The following BAHCC1 variants were observed in gnomAD, a reference collection of about 807,000 sequenced individuals.
BAHCC1 encodes the protein BAH and coiled-coil domain-containing protein 1.
In BAHCC1, 43 loss-of-function variants were observed where a neutral mutation model predicts 88.2. That is an observed-to-expected ratio of 0.49 (90% CI 0.38 to 0.63). The LOEUF (loss-of-function observed/expected upper bound fraction) is 0.63, where lower values mean the gene tolerates loss of function less well. Ranked by LOEUF, BAHCC1 falls within the 20% of genes least tolerant of loss-of-function variation. BAHCC1 has a pLI of 0.00. For missense variants in BAHCC1, 3,023 were observed against 1,654.8 expected (o/e 1.83, Z -14.34); for synonymous variants, 1,510 against 745.5 (o/e 2.03, Z -16.71).
intron 2 of BAHCC1, among the ~76,000 whole-genome samples, chr17:81,405,457 C>T (rs782441274): frequency 6.6e-6 from 1 of 152,124 alleles, no homozygotes; most frequent in Non-Finnish European, 1.5e-5. Flanking sequence ...GGGTAACTCC[C>T]TTTACTCCCT....
rs1175278896 is a variant in BAHCC1, at chr17:81,399,190, A to G, written c.-206-344A>G. 9.5e-6 allele frequency: 4 copies of G among 419,862 alleles called. No individual in the cohort carries two copies. The highest frequency in any genetic ancestry group is 1.9e-5 in the Non-Finnish European group (4 of 209,404). 26.0% of individuals were successfully genotyped at this position (419,862 alleles called of 1,614,324 possible). A position where few individuals can be genotyped will look rare whatever the true frequency, so the allele number is the denominator to read the frequency against. ...GATGGCTTCGCAGATTTGGGTTTTT[A>G]TCACCCAGCAGAGCCAGCAGCCTCT... is the stretch of plus-strand genomic sequence containing the variant. On this transcript the variant is annotated intron_variant, in intron 1 of 27. Transcript: ENST00000675386. The surrounding 1 kb of genome is among the most constrained non-coding windows in gnomAD (Gnocchi z 4.5).
chr17:81,400,010 G>T, intron 2 of BAHCC1, 93 bp downstream of exon 2: 2 of 1,100,428 alleles, frequency 1.8e-6, no homozygotes, highest in Non-Finnish European at 2.3e-6. Context: ...AGAAGCTTTG[G>T]TTTCATTTCC....
chr17:81,421,742 C>T (rs2064118136), intron 2 of BAHCC1, among the ~76,000 whole-genome samples: 1 of 152,222 alleles, frequency 6.6e-6, no homozygotes, highest in Non-Finnish European at 1.5e-5. Flanking sequence ...AGGTGCTGGC[C>T]TGCTGAGCAG....
At position 81,457,521 on chromosome 17, in the gene BAHCC1, C is replaced by T; in HGVS notation, c.4970C>T (p.Ser1657Leu). The T allele has an allele frequency of 1.3e-6, 1 of 754,690 alleles. No individual in the cohort carries two copies. Among genetic ancestry groups the T allele is most frequent in the Non-Finnish European group, 2.5e-6 (1 of 405,914 alleles). 46.7% of individuals were successfully genotyped at this position (754,690 alleles called of 1,614,324 possible). Reference protein sequence around the residue: ...TGASVAVLGPSPSSVVKMEAN... With the variant: ...TGASVAVLGPLPSSVVKMEAN... ...GCCAGTGTGGCCGTGCTGGGGCCCT[C>T]ACCCTCCTCTGTGGTCAAGATGGAG... The change falls in exon 17 of 28, where the codon TCA becomes TTA. Residue 1657 changes from serine to leucine, a missense_variant. Transcript: ENST00000675386.
rs371876242 is a variant in BAHCC1 at position 81,447,520 on chromosome 17, G to C, written c.3648G>C (p.Glu1216Asp). ...RAGSPGALED[E>D]GEQPAPEEDE... Reference sequence around the variant, plus strand: ...GGAGTCCGGGTGCCCTTGAGGACGAGGGGGAGCAGCCGGCCCCTGAGGAGG... The same window carrying C: ...GGAGTCCGGGTGCCCTTGAGGACGACGGGGAGCAGCCGGCCCCTGAGGAGG... Residue 1216 changes from glutamate (E) to aspartate (D), a missense_variant, in exon 11 of 28, where the codon GAG becomes GAC. Physicochemically the swap from Glu to Asp is conservative, Grantham distance 45. Transcript: ENST00000675386. 1.7e-5 allele frequency: 13 copies of C among 751,838 alleles called. No homozygotes were observed. Among genetic ancestry groups the C allele is most frequent in the East Asian group, 7.5e-5 (3 of 40,006 alleles). The allele number at this position is 751,838 out of a possible 1,614,324, so 46.6% of individuals were successfully genotyped here. A position where few individuals can be genotyped will look rare whatever the true frequency, so the allele number is the denominator to read the frequency against.
intron 4 of BAHCC1, among the ~76,000 whole-genome samples, chr17:81,441,462 A>G (rs372025220): frequency 1.3e-5 from 2 of 152,152 alleles, no homozygotes; most frequent in Admixed American, 1.3e-4. Context: ...GGAGATCGAG[A>G]CCATCCTGGC....
chr17:81,427,020 C>T, intron 3 of BAHCC1, 41 bp downstream of exon 3: 1 of 398,472 alleles, frequency 2.5e-6, no homozygotes, highest in Non-Finnish European at 4.4e-6. Context: ...CCCTGGTGGC[C>T]AAGAGACTGA....
At chr17:81,463,103 C>T (rs2030443784) in intron 27 of BAHCC1, 127 bp downstream of exon 27, 3 of 624,938 alleles carry the variant, frequency 4.8e-6, no homozygotes, top group Non-Finnish European at 8.6e-6. Context: ...TCAGCAGGTA[C>T]CACGGCCCTG....
intron 18 of BAHCC1, 59 bp downstream of exon 18, chr17:81,458,525 T>TCACCGCCCTC: frequency 1.9e-6 from 1 of 540,140 alleles, no homozygotes; most frequent in Admixed American, 2.9e-5. Flanking sequence ...GGAAAGGCCT[T>TCACCGCCCTC]CCCCGCCCTC....
intron 2 of BAHCC1, among the ~76,000 whole-genome samples, chr17:81,418,510 G>GC (rs1310524513): frequency 4.6e-5 from 7 of 152,122 alleles, no homozygotes; most frequent in Non-Finnish European, 7.4e-5. Context: ...GAGATCTGAG[G>GC]CCCCCCTCTA....
In BAHCC1 at chr17:81,443,480, C is replaced by T. The variant is rs782505897; in HGVS notation, c.2131C>T (p.Arg711Trp). Reference sequence around the variant, plus strand: ...TGTGGGCATTGCAGTGGCCTTGGCCCGGCAGAAGGACACAGTGAGCCGGTC... The same window carrying T: ...TGTGGGCATTGCAGTGGCCTTGGCCTGGCAGAAGGACACAGTGAGCCGGTC... ...PPVGIAVALA[R>W]QKDTVSRSEA... is the part of the protein sequence containing the mutation. The change falls in exon 5 of 28, where the codon CGG (arginine) becomes TGG (tryptophan). Residue 711 changes from arginine (R) to tryptophan (W), a missense_variant. Transcript: ENST00000675386. The T allele has an allele frequency of 2.2e-5, 16 of 719,620 alleles. No individual in the cohort carries two copies. The highest frequency in any genetic ancestry group is 3.9e-5 in the Non-Finnish European group (15 of 388,624). The allele number at this position is 719,620 out of a possible 1,614,324, so 44.6% of individuals were successfully genotyped here.
chr17:81,428,662 C>T (rs909142617), intron 3 of BAHCC1, among the ~76,000 whole-genome samples: 123 of 152,352 alleles, frequency 8.1e-4, no homozygotes, highest in South Asian at 6.2e-4. Context: ...GCCCCCGTCC[C>T]GCCCCTCTGG....
rs374481806 is a variant in BAHCC1 at position 81,459,287 on chromosome 17, C to T, written c.5755C>T (p.Arg1919Trp). ...SIVIEGERGN[R>W]QRIYSLEQLL... is the part of the protein sequence containing the mutation. The stretch of plus-strand genomic sequence containing the variant: ...CGTCATCGAGGGCGAGAGGGGCAAC[C>T]GGCAGAGGATCTACTCACTGGAGCA... Residue 1919 changes from arginine (R) to tryptophan (W), a missense_variant, in exon 22 of 28, where the codon CGG becomes TGG. Arg to Trp is a moderately radical substitution (Grantham distance 101). Coordinates refer to ENST00000675386, the MANE Select transcript of BAHCC1 (RefSeq NM_001377448.1). 1.0e-4 allele frequency: 79 copies of T among 779,308 alleles called. No individual in the cohort carries two copies. Among genetic ancestry groups the T allele is most frequent in the African/African-American group, 3.4e-4 (20 of 59,146 alleles). 48.3% of individuals were successfully genotyped at this position (779,308 alleles called of 1,614,324 possible).
intron 26 of BAHCC1, 183 bp from the exon 27 acceptor site, chr17:81,462,557 C>G (rs1295292775): frequency 1.2e-5 from 7 of 584,546 alleles, no homozygotes; most frequent in Admixed American, 3.2e-5. Context: ...GGCCCCTGCT[C>G]CAGATCCATG....
At chr17:81,400,615 T>G (rs974502606) in intron 2 of BAHCC1, 2 of 152,592 alleles carry the variant, frequency 1.3e-5, no homozygotes, top group Non-Finnish European at 2.9e-5. Flanking sequence ...GGGGCGGCGC[T>G]CAGGATTTCG....
At chr17:81,446,313 A>T (rs1568023034) in intron 10 of BAHCC1, among the ~76,000 whole-genome samples, 2 of 151,184 alleles carry the variant, frequency 1.3e-5, no homozygotes, top group East Asian at 3.9e-4. Context: ...ATGGGACATG[A>T]TGCCTCTGAC....
rs2143158950 is a variant in BAHCC1, at chr17:81,399,746, G to A, written c.7G>A (p.Gly3Ser). The A allele has an allele frequency of 3.5e-6, 4 of 1,157,630 alleles. No individual in the cohort carries two copies. The East Asian group carries it at 1.3e-4, about 37-fold the overall frequency. The allele number at this position is 1,157,630 out of a possible 1,614,324, so 71.7% of individuals were successfully genotyped here. MD[G>S]RDFAPPPHLL... is the part of the protein sequence containing the mutation. ...ACCGGGGCCGGGGCCCGGCATGGAT[G>A]GCCGCGACTTTGCGCCGCCGCCGCA... The change falls in exon 2 of 28, where the codon GGC (glycine) becomes AGC (serine). Residue 3 changes from glycine to serine, a missense_variant. Gly to Ser is a moderately conservative substitution (Grantham distance 56, BLOSUM62 0). Coordinates refer to ENST00000675386, the MANE Select transcript of BAHCC1 (RefSeq NM_001377448.1). This position sits in a 1 kb window ranked among gnomAD's most constrained non-coding sequence, Gnocchi z 4.5.
intron 3 of BAHCC1, among the ~76,000 whole-genome samples, chr17:81,432,615 G>C (rs2064276887): frequency 1.9e-5 from 1 of 53,308 alleles, no homozygotes; most frequent in Non-Finnish European, 3.8e-5. Context: ...TCCGTCCCCA[G>C]CCCTGGACCC....
chr17:81,426,204 G>GGT, intron 2 of BAHCC1, among the ~76,000 whole-genome samples: 1 of 146,950 alleles, frequency 6.8e-6, no homozygotes, highest in Admixed American at 7.1e-5. Context: ...TGATGTGGTT[G>GGT]GTGATGATGT....
Sources: allele counts gnomAD v4.1 joint callset (sites outside exome capture counted in the v4.1 genomes callset), GRCh38; gene constraint gnomAD v4.1.1; non-coding constraint Gnocchi (gnomAD v3.1); transcripts MANE v1.5; gene names NCBI Gene and HGNC (gene_info 2026-07-23, HGNC 2026-07-21).